The following TAOK1 variants were observed in gnomAD, a reference collection of about 807,000 sequenced individuals.
TAOK1 encodes the protein serine/threonine-protein kinase TAO1.
Under a neutral mutation model 138.3 loss-of-function variants are expected in TAOK1, and 21 were observed. The observed-to-expected ratio is 0.15, with a 90% CI of 0.11 to 0.22. TAOK1 has a LOEUF of 0.22. TAOK1 is among the 10% of genes least tolerant of loss of function. TAOK1 has a pLI of 1.00. For synonymous variants in TAOK1, 361 were observed against 398.4 expected (o/e 0.91, Z 1.12); for missense variants, 651 against 1,227.7 (o/e 0.53, Z 7.02).
chr17:29,434,496 G>C (rs1243955573), intron 1 of TAOK1, among the ~76,000 whole-genome samples: 1 of 152,160 alleles, frequency 6.6e-6, no homozygotes, highest in Non-Finnish European at 1.5e-5. Context: ...AGAGGAAAGA[G>C]TGTCCTCTTT....
At position 29,451,701 on chromosome 17, in the gene TAOK1, G is replaced by A. The variant is rs369653792; in HGVS notation, c.132+21G>A. ...ATTTTGTAAGTGTTAGTGGCTTGAT[G>A]TCAGTGACTAAAATTTACTTAATGT... is the stretch of plus-strand genomic sequence containing the variant. On this transcript the variant is annotated intron_variant, in intron 2 of 19. Transcript: ENST00000261716. 2.4e-5 allele frequency: 38 copies of A among 1,603,444 alleles called. No homozygotes were observed. In the East Asian group the frequency reaches 2.5e-4, roughly 10 times the overall value.
rs572076827 is a variant in TAOK1, at chr17:29,449,633, G to T, written c.-94-1822G>T. Among the ~76,000 whole-genome samples, 364 of 152,224 alleles carry T rather than the reference G, an allele frequency of 2.4e-3. 3 individuals carry two copies. Among genetic ancestry groups the T allele is most frequent in the African/African-American group, 7.9e-3 (327 of 41,530 alleles). ...AGGCAGGCAGATCACTTGAGGTCAG[G>T]AGTTCGAGACCAGCCTGGCCAACAT... On this transcript the variant is annotated intron_variant, in intron 1 of 19. Coordinates refer to ENST00000261716, the MANE Select transcript of TAOK1 (RefSeq NM_020791.4).
intron 1 of TAOK1, among the ~76,000 whole-genome samples, chr17:29,392,298 G>A (rs934096446): frequency 2.6e-5 from 4 of 152,150 alleles, no homozygotes. Context: ...GAATTTTTAG[G>A]GTTGATACTG....
intron 2 of TAOK1, among the ~76,000 whole-genome samples, chr17:29,465,837 C>CTTTTTTTTGTTTT (rs2030651103): frequency 2.2e-5 from 1 of 45,434 alleles, no homozygotes; most frequent in Non-Finnish European, 3.8e-5. Context: ...AGTTTCTGTG[C>CTTTTTTTTGTTTT]TTTTTTTTTT....
chr17:29,541,086 C>G (rs1249207451), intron 19 of TAOK1, among the ~76,000 whole-genome samples: 1 of 125,024 alleles, frequency 8.0e-6, no homozygotes, highest in Non-Finnish European at 1.7e-5. Flanking sequence ...ATTTGCTTCC[C>G]ATGAAAAAAA....
chr17:29,449,219 T>G (rs2030172432), intron 1 of TAOK1, among the ~76,000 whole-genome samples: 1 of 152,134 alleles, frequency 6.6e-6, no homozygotes. Context: ...TATATGGAAT[T>G]TAGTTCAGCC....
intron 12 of TAOK1, among the ~76,000 whole-genome samples, chr17:29,498,789 G>A (rs889736609): frequency 2.0e-5 from 3 of 151,972 alleles, no homozygotes; most frequent in Non-Finnish European, 4.4e-5. Flanking sequence ...ATGGTGGCAC[G>A]TGCCTGTACT....
chr17:29,550,680 T>G lies in TAOK1; in HGVS notation c.*7658T>G. 1 of 152,220 alleles carries G rather than the reference T, an allele frequency of 6.6e-6. No homozygotes were observed. Among genetic ancestry groups the G allele is most frequent in the African/African-American group, 2.4e-5 (1 of 41,456 alleles). The allele number at this position is 152,220 out of a possible 1,614,324, so 9.4% of individuals were successfully genotyped here. A position where few individuals can be genotyped will look rare whatever the true frequency, so the allele number is the denominator to read the frequency against. ...TGGGTTTAAGAGCATCTTGAATGTA[T>G]AATCCTTTTTGTAACCCAGGTTGGT... On this transcript the variant is annotated 3_prime_UTR_variant, in exon 20 of 20. Transcript: ENST00000261716.
intron 19 of TAOK1, among the ~76,000 whole-genome samples, chr17:29,537,244 C>A (rs1378483436): frequency 6.6e-6 from 1 of 152,146 alleles, no homozygotes; most frequent in Non-Finnish European, 1.5e-5. Flanking sequence ...AAAGCCATTA[C>A]AATGCAGGCA....
In TAOK1 at chr17:29,499,675, T is replaced by G. The variant is rs2031488940; in HGVS notation, c.1203+1154T>G. Among the ~76,000 whole-genome samples, 5 of 151,596 alleles carry G rather than the reference T, an allele frequency of 3.3e-5. No homozygotes were observed. The South Asian group carries it at 1.0e-3, about 32-fold the overall frequency. On this transcript the variant is annotated intron_variant, in intron 12 of 19. Transcript: ENST00000261716. The stretch of plus-strand genomic sequence containing the variant: ...CCTGTGTTCAAGCAATTCTTGTTCC[T>G]CAGCCTCCTGAGTAGCTGGGATTAC...
intron 2 of TAOK1, among the ~76,000 whole-genome samples, chr17:29,465,196 A>G (rs1327635451): frequency 1.4e-4 from 18 of 124,878 alleles, no homozygotes; most frequent in Admixed American, 5.8e-4. Flanking sequence ...CTGGACTGCA[A>G]TGGCTCAAGT....
chr17:29,404,940 T>C (rs1904951814), intron 1 of TAOK1, among the ~76,000 whole-genome samples: 1 of 152,214 alleles, frequency 6.6e-6, no homozygotes, highest in South Asian at 2.1e-4. Flanking sequence ...CTCTATTTTA[T>C]TCAAATGGCA....
At chr17:29,447,105 G>A (rs186223555) in intron 1 of TAOK1, among the ~76,000 whole-genome samples, 4 of 148,550 alleles carry the variant, frequency 2.7e-5, no homozygotes, top group Non-Finnish European at 4.4e-5. Context: ...GTGACTATTC[G>A]CAGGCATGAT....
chr17:29,454,535 G>T (rs578185036), intron 2 of TAOK1, among the ~76,000 whole-genome samples: 1 of 151,842 alleles, frequency 6.6e-6, no homozygotes, highest in Non-Finnish European at 1.5e-5. Flanking sequence ...ATCACTTTTG[G>T]TAGATCTATA....
intron 11 of TAOK1, among the ~76,000 whole-genome samples, chr17:29,496,357 G>A (rs1598507328): frequency 6.6e-6 from 1 of 151,804 alleles, no homozygotes; most frequent in Non-Finnish European, 1.5e-5. Context: ...ACCTCAGGTG[G>A]CCCACCTGCC....
In TAOK1 at chr17:29,531,669, G is replaced by A. The variant is rs2032111446; in HGVS notation, c.2361+1050G>A. 3.3e-5 allele frequency among the ~76,000 whole-genome samples: 5 copies of A among 151,534 alleles called. No individual in the cohort carries two copies. The South Asian group carries it at 1.0e-3, about 32-fold the overall frequency. ...TCCCAGCTACTCTGGAGGCGGAGGC[G>A]GGAGAATCACCTGAACCCCGGGGGC... On this transcript the variant is annotated intron_variant, in intron 18 of 19. Transcript: ENST00000261716.
chr17:29,525,232 C>A (rs146974140), intron 17 of TAOK1, among the ~76,000 whole-genome samples: 1,998 of 152,260 alleles, frequency 0.013, 43 homozygotes, highest in African/African-American at 0.045. Context: ...CCCGCCTCAG[C>A]CTCCCAAGTA....
At position 29,477,716 on chromosome 17, in the gene TAOK1, C is replaced by G. The variant is rs762514775; in HGVS notation, c.352+10C>G. 1.4e-6 allele frequency: 2 copies of G among 1,389,766 alleles called. No homozygotes were observed. The highest frequency in any genetic ancestry group is 1.9e-6 in the Non-Finnish European group (2 of 1,054,762). 86.1% of individuals were successfully genotyped at this position (1,389,766 alleles called of 1,614,324 possible). On this transcript the variant is annotated intron_variant, in intron 5 of 19. Transcript: ENST00000261716. The stretch of plus-strand genomic sequence containing the variant: ...TCGGATTTACTAGAAGGTAAGTTCC[C>G]TTTGATTATTTTTTAAAAAGTATTC...
intron 2 of TAOK1, among the ~76,000 whole-genome samples, chr17:29,458,023 C>T (rs1215497886): frequency 1.3e-5 from 2 of 151,658 alleles, no homozygotes; most frequent in Non-Finnish European, 2.9e-5. Context: ...GGCAGGAGAA[C>T]GGCGTGAACC....
Sources: gnomAD v4.1 joint callset for allele counts (sites outside exome capture counted in the v4.1 genomes callset) on GRCh38, gnomAD v4.1.1 for gene constraint, MANE v1.5 for transcripts, NCBI Gene and HGNC (gene_info 2026-07-23, HGNC 2026-07-21) for gene names.